DPP10: variants seen among roughly 807,000 people sequenced by gnomAD.
The protein encoded by DPP10 is inactive dipeptidyl peptidase 10.
A neutral mutation model predicts 120.9 loss-of-function variants in DPP10; 33 were observed. The ratio of observed to expected loss-of-function variants is 0.27; its 90% CI spans 0.21 to 0.37. DPP10 has a LOEUF of 0.37. Among genes scored for constraint, DPP10 ranks in the 10% least tolerant of loss-of-function variants. The pLI, the probability that DPP10 is intolerant of heterozygous loss-of-function variation, is 1.00. For synonymous variants in DPP10, 337 were observed against 326.1 expected, an observed-to-expected ratio of 1.03 and a Z score of -0.36; for missense variants, 816 against 942.8, an observed-to-expected ratio of 0.87 and a Z score of 1.76.
intron 1 of DPP10, among the ~76,000 whole-genome samples, chr2:114,718,424 AATT>A: frequency 6.6e-6 from 1 of 151,036 alleles, no homozygotes; most frequent in African/African-American, 2.4e-5. Context: ...AAAAAAAAAA[AATT>A]AGTTCCTCAG....
At chr2:115,663,251 A>C (rs904768906) in intron 5 of DPP10, among the ~76,000 whole-genome samples, 2 of 152,174 alleles carry the variant, frequency 1.3e-5, no homozygotes, top group South Asian at 4.1e-4. Context: ...AGCCAAGGAT[A>C]TATATTTCAT....
chr2:115,630,030 T>C (rs2085711705), intron 5 of DPP10, among the ~76,000 whole-genome samples: 2 of 152,206 alleles, frequency 1.3e-5, no homozygotes, highest in Admixed American at 1.3e-4. Flanking sequence ...ATTATACCTA[T>C]CATTGAACAT....
At chr2:115,205,414 C>T (rs538481135) in intron 1 of DPP10, among the ~76,000 whole-genome samples, 27 of 152,128 alleles carry the variant, frequency 1.8e-4, no homozygotes, top group Middle Eastern at 6.8e-3. Flanking sequence ...GTGTGCGGTG[C>T]GGCTTCAGTT....
intron 5 of DPP10, among the ~76,000 whole-genome samples, chr2:115,576,766 C>G (rs890441674): frequency 6.6e-6 from 1 of 152,144 alleles, no homozygotes; most frequent in African/African-American, 2.4e-5. Flanking sequence ...GAAGTCCATC[C>G]TCCAACTCCA....
chr2:114,557,808 G>T (rs904814026), intron 1 of DPP10, among the ~76,000 whole-genome samples: 9 of 152,106 alleles, frequency 5.9e-5, no homozygotes, highest in Non-Finnish European at 1.2e-4. Context: ...GATGTATTTG[G>T]GGCTCATGTA....
At position 114,738,506 on chromosome 2, in the gene DPP10, G is replaced by A. The variant is rs566441848; in HGVS notation, c.60+295668G>A. Among the ~76,000 whole-genome samples, 14 of 152,252 alleles carry A rather than the reference G, an allele frequency of 9.2e-5. No homozygotes were observed. In the East Asian group the frequency reaches 2.3e-3, roughly 25 times the overall value. ...CTCTAGTGGAAAAAATAAAGCCTGGGACACAGAGTGGCTCAAAGGGGAGCA... is the reference window on the plus strand; with the variant it reads ...CTCTAGTGGAAAAAATAAAGCCTGGAACACAGAGTGGCTCAAAGGGGAGCA... On this transcript the variant is annotated intron_variant, in intron 1 of 25. Transcript: ENST00000410059.
At chr2:115,725,502 T>A (rs1220230893) in intron 7 of DPP10, among the ~76,000 whole-genome samples, 1 of 152,232 alleles carries the variant, frequency 6.6e-6, no homozygotes, top group South Asian at 2.1e-4. Flanking sequence ...TTCTTCTACA[T>A]TGAAGCAGAT....
At chr2:115,774,671 C>T (rs1018048194) in intron 13 of DPP10, among the ~76,000 whole-genome samples, 6 of 151,984 alleles carry the variant, frequency 3.9e-5, no homozygotes, top group African/African-American at 9.7e-5. Context: ...TTGCTGTTGA[C>T]CTTAAGCAGC....
At chr2:115,134,633 C>T (rs770109546) in intron 1 of DPP10, among the ~76,000 whole-genome samples, 1 of 151,904 alleles carries the variant, frequency 6.6e-6, no homozygotes, top group African/African-American at 2.4e-5. Flanking sequence ...GAAGAAGGTA[C>T]AGTGACGCAA....
At chr2:114,687,388 G>A (rs1317994047) in intron 1 of DPP10, among the ~76,000 whole-genome samples, 1 of 151,918 alleles carries the variant, frequency 6.6e-6, no homozygotes, top group Non-Finnish European at 1.5e-5. Context: ...AAACATGTTG[G>A]ATTTACTTGG....
chr2:115,441,210 GA>G (rs899682369), intron 3 of DPP10, among the ~76,000 whole-genome samples: 7 of 151,866 alleles, frequency 4.6e-5, no homozygotes, highest in Non-Finnish European at 1.0e-4. Context: ...TTGGTCACAG[GA>G]AAAAAAGGGG....
chr2:114,721,277 C>T (rs1256836597), intron 1 of DPP10, among the ~76,000 whole-genome samples: 1 of 152,188 alleles, frequency 6.6e-6, no homozygotes, highest in African/African-American at 2.4e-5. Context: ...TTTGAAACAC[C>T]CATTGCATGG....
chr2:114,899,915 G>A (rs1337483843), intron 1 of DPP10, among the ~76,000 whole-genome samples: 3 of 152,144 alleles, frequency 2.0e-5, no homozygotes, highest in Non-Finnish European at 2.9e-5. Context: ...AGCCAAGATC[G>A]CACCACTGCA....
At chr2:115,038,205 T>C (rs1054947246) in intron 1 of DPP10, among the ~76,000 whole-genome samples, 6 of 152,024 alleles carry the variant, frequency 3.9e-5, no homozygotes, top group African/African-American at 1.4e-4. Flanking sequence ...GCACAACATA[T>C]CTTCATTCAT....
At chr2:115,203,767 C>A (rs1249868254) in intron 1 of DPP10, among the ~76,000 whole-genome samples, 1 of 152,046 alleles carries the variant, frequency 6.6e-6, no homozygotes, top group African/African-American at 2.4e-5. Context: ...TGTCCAAACA[C>A]AAAATATTTT....
chr2:114,690,709 C>T (rs1177577816), intron 1 of DPP10, among the ~76,000 whole-genome samples: 1 of 152,122 alleles, frequency 6.6e-6, no homozygotes, highest in Admixed American at 6.6e-5. Context: ...TTCTTCCTAT[C>T]TACGAGCATG....
chr2:115,212,966 A>G (rs1265710074), intron 1 of DPP10, among the ~76,000 whole-genome samples: 1 of 152,294 alleles, frequency 6.6e-6, no homozygotes, highest in Non-Finnish European at 1.5e-5. Flanking sequence ...TCATTTATAT[A>G]ATCACAAAAT....
At chr2:115,054,315 T>C (rs1435465092) in intron 1 of DPP10, among the ~76,000 whole-genome samples, 7 of 152,168 alleles carry the variant, frequency 4.6e-5, no homozygotes, top group Non-Finnish European at 1.0e-4. Context: ...TTTTTAGCTG[T>C]CAGATAGTTG....
chr2:115,085,890 G>A (rs778144958), intron 1 of DPP10, among the ~76,000 whole-genome samples: 6 of 151,986 alleles, frequency 3.9e-5, no homozygotes, highest in Middle Eastern at 3.2e-3. Flanking sequence ...TTTTATCTTG[G>A]CCAAATTCCT....
Sources: gnomAD v4.1 joint callset for allele counts (sites outside exome capture counted in the v4.1 genomes callset) on GRCh38, gnomAD v4.1.1 for gene constraint, MANE v1.5 for transcripts, NCBI Gene and HGNC (gene_info 2026-07-23, HGNC 2026-07-21) for gene names.